The following SCAPER variants were observed in gnomAD, a reference collection of about 807,000 sequenced individuals.
The protein encoded by SCAPER is S phase cyclin A-associated protein in the endoplasmic reticulum.
In SCAPER, 98 loss-of-function variants were observed where a neutral mutation model predicts 182.2. That is an observed-to-expected ratio of 0.54 (90% CI 0.46 to 0.64). The LOEUF (loss-of-function observed/expected upper bound fraction) is 0.64. Among genes scored for constraint, SCAPER ranks in the 30% least tolerant of loss-of-function variants. The pLI is 0.00. For missense variants in SCAPER, 1,432 were observed against 1,690.0 expected, an observed-to-expected ratio of 0.85 and a Z score of 2.68; for synonymous variants, 605 against 564.6, an observed-to-expected ratio of 1.07 and a Z score of -1.01.
intron 17 of SCAPER, among the ~76,000 whole-genome samples, chr15:76,711,172 T>C (rs1443654075): frequency 6.6e-6 from 1 of 152,172 alleles, no homozygotes; most frequent in East Asian, 1.9e-4. Context: ...TGAAAACCAT[T>C]GTATATAAAA....
Position 76,780,321 on chromosome 15 carries a change from G to C in SCAPER, c.773-5204C>G, listed in dbSNP as rs112670895. Among the ~76,000 whole-genome samples, 1,014 of 152,380 alleles carry C rather than the reference G, an allele frequency of 6.7e-3. 12 individuals are homozygous for C. The highest frequency in any genetic ancestry group is 0.023 in the African/African-American group (968 of 41,594). Reference sequence around the variant, plus strand: ...CACCTGTGAGGCTACAGTCGGGCAGGGGGAGGGGCATCCGCCATTGCTGAG... The same window carrying C: ...CACCTGTGAGGCTACAGTCGGGCAGCGGGAGGGGCATCCGCCATTGCTGAG... On this transcript the variant is annotated intron_variant, in intron 8 of 31. Coordinates refer to ENST00000563290, the MANE Select transcript of SCAPER (RefSeq NM_020843.4).
intron 26 of SCAPER, among the ~76,000 whole-genome samples, chr15:76,424,045 T>C (rs549873808): frequency 6.6e-6 from 1 of 152,320 alleles, no homozygotes; most frequent in South Asian, 2.1e-4. Context: ...TCCAACTATG[T>C]GGTCAATTTT....
intron 8 of SCAPER, among the ~76,000 whole-genome samples, chr15:76,779,041 TTATAGGA>T (rs901602218): frequency 1.3e-5 from 2 of 152,046 alleles, no homozygotes; most frequent in African/African-American, 4.8e-5. Flanking sequence ...ACACAAAACA[TTATAGGA>T]TATAGGATAT....
At chr15:76,880,731 A>C (rs1476300326) in intron 2 of SCAPER, among the ~76,000 whole-genome samples, 1 of 152,076 alleles carries the variant, frequency 6.6e-6, no homozygotes, top group African/African-American at 2.4e-5. Flanking sequence ...GAAAAAAAAA[A>C]AACTCCCAAG....
chr15:76,661,873 CAT>C (rs1463578347), intron 21 of SCAPER, among the ~76,000 whole-genome samples: 1 of 152,186 alleles, frequency 6.6e-6, no homozygotes, highest in Non-Finnish European at 1.5e-5. Flanking sequence ...TATAAAGATA[CAT>C]GGACACTTAT....
At chr15:76,478,466 C>T (rs1398261071) in intron 24 of SCAPER, among the ~76,000 whole-genome samples, 1 of 151,854 alleles carries the variant, frequency 6.6e-6, no homozygotes, top group African/African-American at 2.4e-5. Flanking sequence ...TCTTTTTGTG[C>T]TTTAAAAATT....
rs1164366536 is a variant in SCAPER at position 76,599,768 on chromosome 15, G to A, written c.2711+21996C>T. On this transcript the variant is annotated intron_variant, in intron 22 of 31. Coordinates refer to ENST00000563290, the MANE Select transcript of SCAPER (RefSeq NM_020843.4). Reference sequence around the variant, plus strand: ...GGTTGCCTCTTGGGTGGGAGTAAAGGGATTCACCAAGGACATATAATAACC... The same window carrying A: ...GGTTGCCTCTTGGGTGGGAGTAAAGAGATTCACCAAGGACATATAATAACC... Among the ~76,000 whole-genome samples the A allele has an allele frequency of 1.4e-4, 17 of 121,066 alleles. 2 individuals are homozygous for A. Among genetic ancestry groups the A allele is most frequent in the African/African-American group, 3.8e-4 (15 of 39,740 alleles). The allele number at this position is 121,066 out of a possible 152,430, so 79.4% of individuals were successfully genotyped here. A position where few individuals can be genotyped will look rare whatever the true frequency, so the allele number is the denominator to read the frequency against.
intron 22 of SCAPER, among the ~76,000 whole-genome samples, chr15:76,578,121 T>C (rs1205046258): frequency 6.6e-5 from 10 of 150,736 alleles, no homozygotes; most frequent in Admixed American, 5.3e-4. Context: ...CCTATGACTA[T>C]AGAAAGGGGA....
At chr15:76,855,891 A>G (rs1476950798) in intron 4 of SCAPER, 6 of 429,728 alleles carry the variant, frequency 1.4e-5, no homozygotes, top group Non-Finnish European at 2.4e-5. Flanking sequence ...AAACAGAAAT[A>G]CCATTCAACC....
intron 23 of SCAPER, among the ~76,000 whole-genome samples, chr15:76,534,430 T>C (rs902178220): frequency 3.3e-5 from 5 of 152,162 alleles, no homozygotes; most frequent in Admixed American, 3.3e-4. Context: ...ACAATTTAGT[T>C]GAGGCAAGAG....
intron 15 of SCAPER, among the ~76,000 whole-genome samples, chr15:76,746,270 A>C (rs557193021): frequency 7.9e-5 from 12 of 152,354 alleles, no homozygotes; most frequent in African/African-American, 2.9e-4. Context: ...CATGGATACC[A>C]AAATCCATAG....
chr15:76,881,376 G>A (rs1045200286), intron 2 of SCAPER, among the ~76,000 whole-genome samples: 4 of 152,318 alleles, frequency 2.6e-5, no homozygotes, highest in South Asian at 2.1e-4. Flanking sequence ...GATTACAGGC[G>A]TAAGCCATTG....
At chr15:76,425,978 C>T (rs1464591529) in intron 26 of SCAPER, among the ~76,000 whole-genome samples, 2 of 152,164 alleles carry the variant, frequency 1.3e-5, no homozygotes, top group Non-Finnish European at 2.9e-5. Flanking sequence ...CTGGAAGCTT[C>T]GTCTCAGAGA....
chr15:76,492,769 A>C (rs1348273399), intron 24 of SCAPER, among the ~76,000 whole-genome samples: 1 of 152,194 alleles, frequency 6.6e-6, no homozygotes, highest in Non-Finnish European at 1.5e-5. Flanking sequence ...AGAAAATTTT[A>C]AAATGTAGAG....
intron 15 of SCAPER, among the ~76,000 whole-genome samples, chr15:76,747,183 GCTGTCTGTCC>G (rs1253917755): frequency 1.3e-5 from 2 of 152,162 alleles, no homozygotes; most frequent in Non-Finnish European, 2.9e-5. Flanking sequence ...CAATGGTTTG[GCTGTCTGTCC>G]CTTCAAACCA....
At chr15:76,874,439 C>G (rs1035195134) in intron 2 of SCAPER, among the ~76,000 whole-genome samples, 7 of 148,974 alleles carry the variant, frequency 4.7e-5, no homozygotes, top group African/African-American at 1.7e-4. Flanking sequence ...TAATAAACAG[C>G]AAAAAATCAA....
chr15:76,549,988 C>T lies in SCAPER; in HGVS notation c.2838+24170G>A, dbSNP rs77306725. On this transcript the variant is annotated intron_variant, in intron 23 of 31. Transcript: ENST00000563290. ...ATCAAGCTAAAAAACTTCTGCATAACAAAGGAAACGGTTAATAGAGGAAGT... is the reference window on the plus strand; with the variant it reads ...ATCAAGCTAAAAAACTTCTGCATAATAAAGGAAACGGTTAATAGAGGAAGT... Among the ~76,000 whole-genome samples, 1,368 of 152,004 alleles carry T rather than the reference C, an allele frequency of 9.0e-3. 22 individuals carry two copies. Among genetic ancestry groups the T allele is most frequent in the African/African-American group, 0.032 (1,329 of 41,466 alleles).
chr15:76,488,453 A>G (rs964247567), intron 24 of SCAPER, among the ~76,000 whole-genome samples: 3 of 152,144 alleles, frequency 2.0e-5, no homozygotes, highest in African/African-American at 4.8e-5. Context: ...TGTCATACTC[A>G]GTTTCCACTA....
intron 22 of SCAPER, among the ~76,000 whole-genome samples, chr15:76,610,423 C>G (rs2050871634): frequency 6.6e-6 from 1 of 152,182 alleles, no homozygotes; most frequent in African/African-American, 2.4e-5. Flanking sequence ...GAGCACAGTT[C>G]TGGAACTCCT....
Sources: gnomAD v4.1 joint callset for allele counts (sites outside exome capture counted in the v4.1 genomes callset) on GRCh38, gnomAD v4.1.1 for gene constraint, MANE v1.5 for transcripts, NCBI Gene and HGNC (gene_info 2026-07-23, HGNC 2026-07-21) for gene names.